Variants in WDR70 observed in about 807,000 individuals in gnomAD.
WDR70 encodes WD repeat-containing protein 70.
A neutral mutation model predicts 88.6 loss-of-function variants in WDR70; 53 were observed. The ratio of observed to expected loss-of-function variants is 0.60; its 90% confidence interval spans 0.48 to 0.75. WDR70 has a LOEUF of 0.75. Among genes scored for constraint, WDR70 ranks in the 30% least tolerant of loss-of-function variants. The probability of loss-of-function intolerance (pLI) is 0.00; values close to 1 mark genes in which losing one functional copy is unlikely to be tolerated. For missense variants in WDR70, 610 were observed against 823.2 expected, an observed-to-expected ratio of 0.74 and a Z score of 3.17; for synonymous variants, 280 against 270.0, an observed-to-expected ratio of 1.04 and a Z score of -0.36.
chr5:37,720,360 C>T (rs1307818598), intron 13 of WDR70, among the ~76,000 whole-genome samples: 3 of 152,166 alleles, frequency 2.0e-5, no homozygotes, highest in South Asian at 4.1e-4. Flanking sequence ...ATTCTGTCCA[C>T]GCTATCCCTC....
chr5:37,623,656 G>C (rs1395844243), intron 10 of WDR70, among the ~76,000 whole-genome samples: 1 of 151,986 alleles, frequency 6.6e-6, no homozygotes, highest in Non-Finnish European at 1.5e-5. Context: ...ATCTTCTTAT[G>C]ATCTTCTTTA....
At position 37,392,070 on chromosome 5, in the gene WDR70, A is replaced by G; in HGVS notation, c.246A>G (p.Pro82=). The G allele has an allele frequency of 6.2e-7, 1 of 1,613,078 alleles. No homozygotes were observed. Among genetic ancestry groups the G allele is most frequent in the Non-Finnish European group, 8.5e-7 (1 of 1,179,822 alleles). Residue 82 remains proline, a synonymous_variant, in exon 4 of 18, where the codon CCA becomes CCG. Coordinates refer to ENST00000265107, the MANE Select transcript of WDR70 (RefSeq NM_018034.4). ...GAAGACAAAATGAAGATATTGAGCC[A>G]ACATCCTCAAGATCAAATGTGGTCA... ...ELRRQNEDIE[P]TSSRSNVVRD... is the part of the protein sequence containing the mutation.
At chr5:37,483,454 G>T (rs1159093693) in intron 8 of WDR70, among the ~76,000 whole-genome samples, 10 of 152,346 alleles carry the variant, frequency 6.6e-5, no homozygotes, top group African/African-American at 1.2e-4. Context: ...CAAAGCAGAA[G>T]AATTTTTCTT....
intron 13 of WDR70, among the ~76,000 whole-genome samples, chr5:37,710,592 T>C (rs1373205839): frequency 6.6e-6 from 1 of 152,104 alleles, no homozygotes; most frequent in Non-Finnish European, 1.5e-5. Context: ...AGACACTTAG[T>C]AATCAAGATA....
chr5:37,692,213 A>G (rs1746819157), intron 10 of WDR70, among the ~76,000 whole-genome samples: 1 of 152,138 alleles, frequency 6.6e-6, no homozygotes, highest in East Asian at 1.9e-4. Flanking sequence ...TCTGAAATTG[A>G]GGCAATAATT....
intron 8 of WDR70, among the ~76,000 whole-genome samples, chr5:37,486,376 C>G (rs1375848044): frequency 2.0e-5 from 3 of 149,772 alleles, no homozygotes; most frequent in Non-Finnish European, 4.4e-5. Context: ...GAGTCTCGCT[C>G]TGTCACCTAA....
chr5:37,415,956 G>A (rs180711206), intron 5 of WDR70, among the ~76,000 whole-genome samples: 3,827 of 151,794 alleles, frequency 0.025, 151 homozygotes, highest in African/African-American at 0.088. Flanking sequence ...ATGGGCTGGC[G>A]GCCGGGAAGA....
intron 10 of WDR70, among the ~76,000 whole-genome samples, chr5:37,690,458 A>G (rs1301837093): frequency 6.6e-6 from 1 of 152,252 alleles, no homozygotes. Flanking sequence ...GCAGCAAGAA[A>G]GAAAGATCGG....
At chr5:37,711,257 T>C (rs1241136433) in intron 13 of WDR70, among the ~76,000 whole-genome samples, 2 of 152,160 alleles carry the variant, frequency 1.3e-5, no homozygotes, top group African/African-American at 4.8e-5. Flanking sequence ...GGCTTTTGCT[T>C]AATTAGCTGC....
intron 13 of WDR70, among the ~76,000 whole-genome samples, chr5:37,706,063 C>G (rs1021701256): frequency 3.3e-5 from 5 of 152,196 alleles, no homozygotes; most frequent in Admixed American, 3.3e-4. Flanking sequence ...TAACTAAAAA[C>G]TATCTTCACA....
chr5:37,583,839 T>C (rs1743289776), intron 9 of WDR70, among the ~76,000 whole-genome samples: 1 of 152,198 alleles, frequency 6.6e-6, no homozygotes, highest in Non-Finnish European at 1.5e-5. Flanking sequence ...AGGTACAAAA[T>C]ACAAATAATA....
intron 2 of WDR70, among the ~76,000 whole-genome samples, chr5:37,380,060 A>G (rs561814239): frequency 1.3e-5 from 2 of 152,372 alleles, no homozygotes; most frequent in East Asian, 3.9e-4. Flanking sequence ...CTACCAACAC[A>G]GAGTAGGTAT....
At chr5:37,714,548 C>G (rs1747603412) in intron 13 of WDR70, among the ~76,000 whole-genome samples, 1 of 152,072 alleles carries the variant, frequency 6.6e-6, no homozygotes, top group Non-Finnish European at 1.5e-5. Context: ...CCAGGCTCCT[C>G]TTAGGCATGA....
intron 9 of WDR70, among the ~76,000 whole-genome samples, chr5:37,584,507 ATATT>A (rs78367802): frequency 0.03 from 4,568 of 152,286 alleles, 92 homozygotes; most frequent in Non-Finnish European, 0.042. Context: ...CAAAAGATGA[ATATT>A]TATCTCCTTT....
chr5:37,411,192 C>G (rs1010924812), intron 5 of WDR70, among the ~76,000 whole-genome samples: 1 of 152,130 alleles, frequency 6.6e-6, no homozygotes, highest in African/African-American at 2.4e-5. Context: ...AAACTCCTGG[C>G]CTCAAGCCGC....
At chr5:37,394,938 C>A (rs2111897478) in intron 4 of WDR70, among the ~76,000 whole-genome samples, 1 of 152,184 alleles carries the variant, frequency 6.6e-6, no homozygotes, top group East Asian at 1.9e-4. Flanking sequence ...AATTTTTAAC[C>A]TAGATGAAAA....
Position 37,697,686 on chromosome 5 carries a change from A to G in WDR70, c.1124A>G (p.His375Arg). ...VHPKFHYKQA[H>R]DSGTDTSCVT... ...CCTAAGTTCCACTATAAACAGGCTC[A>G]TGACTCGGGCACAGACACTTCTTGC... The change falls in exon 11 of 18, where the codon CAT becomes CGT. Residue 375 changes from histidine (H) to arginine (R), a missense_variant. This residue lies in a region of WDR70 where 254 missense variants were observed against 300.7 expected (regional missense o/e 0.84). Coordinates refer to ENST00000265107, the MANE Select transcript of WDR70 (RefSeq NM_018034.4). 3 of 1,613,796 alleles carry G rather than the reference A, an allele frequency of 1.9e-6. No individual in the cohort carries two copies. The highest frequency in any genetic ancestry group is 2.5e-6 in the Non-Finnish European group (3 of 1,179,732).
At chr5:37,716,972 G>A (rs911088482) in intron 13 of WDR70, among the ~76,000 whole-genome samples, 13 of 151,872 alleles carry the variant, frequency 8.6e-5, no homozygotes, top group Admixed American at 8.5e-4. Context: ...TTTGGTCTCT[G>A]CAGAGAAGAA....
intron 5 of WDR70, among the ~76,000 whole-genome samples, chr5:37,408,378 G>A (rs976236061): frequency 5.9e-5 from 9 of 152,240 alleles, no homozygotes; most frequent in African/African-American, 2.2e-4. Flanking sequence ...GGAGACTGAG[G>A]CAGGAGAATC....
Sources: gnomAD v4.1 joint callset for allele counts (sites outside exome capture counted in the v4.1 genomes callset) on GRCh38, gnomAD v4.1.1 for gene constraint, gnomAD v4.1.1 regional missense constraint, MANE v1.5 for transcripts, NCBI Gene and HGNC (gene_info 2026-07-23, HGNC 2026-07-21) for gene names.